Variants in RPTOR observed in about 807,000 individuals in gnomAD.
RPTOR encodes regulatory associated protein of MTOR complex 1, also known as regulatory-associated protein of mTOR.
Under a neutral mutation model 169.9 loss-of-function variants are expected in RPTOR, and 21 were observed. The ratio of observed to expected loss-of-function variants is 0.12; its 90% CI spans 0.09 to 0.18. The LOEUF is 0.18. Among genes scored for constraint, RPTOR ranks in the 10% least tolerant of loss-of-function variants. RPTOR has a pLI of 1.00. For synonymous variants in RPTOR, 732 were observed against 753.2 expected, an observed-to-expected ratio of 0.97 and a Z score of 0.46; for missense variants, 1,133 against 1,855.9, an observed-to-expected ratio of 0.61 and a Z score of 7.16.
chr17:80,948,380 C>A (rs1253527177), intron 27 of RPTOR, among the ~76,000 whole-genome samples: 1 of 152,244 alleles, frequency 6.6e-6, no homozygotes, highest in Non-Finnish European at 1.5e-5. Flanking sequence ...CCGTCTTTGT[C>A]CCTGTAGCTG....
chr17:80,647,753 G>A (rs907294921), intron 3 of RPTOR, among the ~76,000 whole-genome samples: 1 of 152,176 alleles, frequency 6.6e-6, no homozygotes, highest in Admixed American at 6.5e-5. Context: ...ATGGAGCCAC[G>A]TTGTTGTAGG....
intron 2 of RPTOR, among the ~76,000 whole-genome samples, chr17:80,627,660 A>G (rs1370969300): frequency 1.3e-5 from 2 of 151,788 alleles, no homozygotes; most frequent in South Asian, 4.1e-4. Context: ...TTCCATTTTT[A>G]TGGCTCCCTC....
intron 1 of RPTOR, among the ~76,000 whole-genome samples, chr17:80,613,155 C>T (rs1446259863): frequency 6.6e-6 from 1 of 152,094 alleles, no homozygotes; most frequent in Non-Finnish European, 1.5e-5. Context: ...GAGAACCTGG[C>T]CACTTTCCTG....
chr17:80,804,176 CGCAGTGGCCGCAGAAGGG>C (rs765464335), intron 7 of RPTOR: 5 of 152,250 alleles, frequency 3.3e-5, no homozygotes, highest in Non-Finnish European at 7.3e-5. Flanking sequence ...TGGCGTGACC[CGCAGTGGCCGCAGAAGGG>C]GCAGTGGCAC....
At chr17:80,857,716 C>A in intron 12 of RPTOR, 74 bp from the exon 13 acceptor site, 1 of 981,918 alleles carries the variant, frequency 1.0e-6, no homozygotes, top group South Asian at 1.4e-5. Flanking sequence ...CGCAGCTGGT[C>A]CCGCGTGGCA....
intron 1 of RPTOR, among the ~76,000 whole-genome samples, chr17:80,616,865 T>C (rs946497466): frequency 3.7e-4 from 56 of 152,184 alleles, no homozygotes; most frequent in African/African-American, 1.3e-3. Context: ...GAAACACGAC[T>C]CGATCTCTTA....
intron 2 of RPTOR, among the ~76,000 whole-genome samples, chr17:80,635,132 C>T (rs1480812057): frequency 6.6e-6 from 1 of 152,160 alleles, no homozygotes; most frequent in Non-Finnish European, 1.5e-5. Context: ...CTGTGTGAAC[C>T]CTCTTCTCCT....
chr17:80,780,441 G>A (rs887297264), intron 6 of RPTOR, among the ~76,000 whole-genome samples: 3 of 152,102 alleles, frequency 2.0e-5, no homozygotes, highest in East Asian at 1.9e-4. Flanking sequence ...CTGGATAGAC[G>A]GTGGTTTGTT....
chr17:80,547,389 A>C (rs1249926660), intron 1 of RPTOR, among the ~76,000 whole-genome samples: 1 of 152,178 alleles, frequency 6.6e-6, no homozygotes, highest in Non-Finnish European at 1.5e-5. Context: ...TCCTAAACCT[A>C]TGTTCCAACA....
At position 80,607,599 on chromosome 17, in the gene RPTOR, T is replaced by TTATA. The variant is rs34087784; in HGVS notation, c.163-18075_163-18072dup. Among the ~76,000 whole-genome samples, 103 of 147,112 alleles carry TTATA rather than the reference T, an allele frequency of 7.0e-4. 1 individual carries two copies. Among genetic ancestry groups the TTATA allele is most frequent in the Admixed American group, 6.3e-3 (93 of 14,660 alleles). On this transcript the variant is annotated intron_variant, in intron 1 of 33. Coordinates refer to ENST00000306801, the MANE Select transcript of RPTOR (RefSeq NM_020761.3). Reference sequence around the variant, plus strand: ...TGGCATATATGTGTATATATGCCATTTATATATATATATATATATAATTAT... The same window carrying TTATA: ...TGGCATATATGTGTATATATGCCATTTATATATATATATATATATATATAATTAT...
chr17:80,753,953 T>G (rs1347138637), intron 5 of RPTOR, 57 bp from the exon 6 acceptor site: 2 of 1,448,880 alleles, frequency 1.4e-6, no homozygotes, highest in Non-Finnish European at 1.9e-6. Context: ...AGCTTACTAT[T>G]TGGTTGTGAC....
chr17:80,957,967 C>T lies in RPTOR; in HGVS notation c.3477+237C>T, dbSNP rs1010800054. Among the ~76,000 whole-genome samples the T allele has an allele frequency of 3.3e-5, 5 of 152,228 alleles. No homozygotes were observed. The highest frequency in any genetic ancestry group is 1.2e-4 in the African/African-American group (5 of 41,450). On this transcript the variant is annotated intron_variant, in intron 29 of 33. Transcript: ENST00000306801. This position sits in a 1 kb window ranked among gnomAD's most constrained non-coding sequence, Gnocchi z 4.6. ...CGCTGCAGTATGGCTCAGGCTGCGC[C>T]AGCTCTGAGTGTTTGCAAGTAGTGT...
intron 20 of RPTOR, among the ~76,000 whole-genome samples, chr17:80,904,031 A>G (rs752602853): frequency 2.0e-5 from 3 of 152,228 alleles, no homozygotes; most frequent in Non-Finnish European, 2.9e-5. Flanking sequence ...TTTGTCTCGT[A>G]GGGGTACTGA....
intron 6 of RPTOR, among the ~76,000 whole-genome samples, chr17:80,759,045 G>A (rs58508845): frequency 8.6e-4 from 131 of 151,672 alleles, no homozygotes; most frequent in African/African-American, 2.9e-3. Context: ...TTCCCTCCGC[G>A]CACAGCTGTG....
intron 1 of RPTOR, among the ~76,000 whole-genome samples, chr17:80,618,233 A>G (rs1324712974): frequency 6.6e-6 from 1 of 152,162 alleles, no homozygotes; most frequent in Non-Finnish European, 1.5e-5. Flanking sequence ...GTGATCCGCC[A>G]GGCTTGGCCT....
intron 1 of RPTOR, among the ~76,000 whole-genome samples, chr17:80,581,816 C>A (rs1324647277): frequency 6.6e-6 from 1 of 152,248 alleles, no homozygotes; most frequent in African/African-American, 2.4e-5. Flanking sequence ...GCTCATGGAG[C>A]ATCTGATTTT....
chr17:80,950,812 T>C (rs2069166660), intron 28 of RPTOR, among the ~76,000 whole-genome samples: 1 of 152,220 alleles, frequency 6.6e-6, no homozygotes, highest in South Asian at 2.1e-4. Flanking sequence ...CTGTGTCATT[T>C]GCTAGAGAGG....
chr17:80,685,662 T>C (rs71389766), intron 3 of RPTOR, among the ~76,000 whole-genome samples: 1 of 129,570 alleles, frequency 7.7e-6, no homozygotes, highest in African/African-American at 3.0e-5. Context: ...TTTTTTGCTG[T>C]GAATTATCTG....
intron 11 of RPTOR, among the ~76,000 whole-genome samples, chr17:80,847,516 T>C (rs1173977004): frequency 6.6e-6 from 1 of 152,120 alleles, no homozygotes; most frequent in Non-Finnish European, 1.5e-5. Flanking sequence ...TGGAAAAGTG[T>C]TTTTGTGATT....
Sources: allele counts gnomAD v4.1 joint callset (sites outside exome capture counted in the v4.1 genomes callset), GRCh38; gene constraint gnomAD v4.1.1; non-coding constraint Gnocchi (gnomAD v3.1); transcripts MANE v1.5; gene names NCBI Gene and HGNC (gene_info 2026-07-23, HGNC 2026-07-21).